Variants in PLAGL1 observed in about 807,000 individuals in gnomAD.
PLAGL1 encodes zinc finger protein PLAGL1.
In PLAGL1, 1 loss-of-function variant was observed where a neutral mutation model predicts 4.6. The ratio of observed to expected loss-of-function variants is 0.22; its 90% CI spans 0.08 to 1.03. The LOEUF is 1.03. Among genes scored for constraint, PLAGL1 ranks in the 50% least tolerant of loss-of-function variants. The pLI is 0.58. For missense variants in PLAGL1, 464 were observed against 570.4 expected (o/e 0.81, Z 1.90); for synonymous variants, 240 against 237.8 (o/e 1.01, Z -0.08).
chr6:143,991,853 G>T (rs2128632488), intron 1 of PLAGL1, among the ~76,000 whole-genome samples: 1 of 152,330 alleles, frequency 6.6e-6, no homozygotes. Context: ...CCCAAGGGGT[G>T]GCCAAGGGGT....
chr6:144,029,911 G>C (rs1796671280), intron 1 of PLAGL1, among the ~76,000 whole-genome samples: 1 of 152,282 alleles, frequency 6.6e-6, no homozygotes, highest in African/African-American at 2.4e-5. Flanking sequence ...GGAAGAACAA[G>C]GTTAGGCAAT....
In PLAGL1 at chr6:144,042,654, C is replaced by A. The variant is rs192082972; in HGVS notation, c.-151+21814G>T. Among the ~76,000 whole-genome samples, 30 of 152,254 alleles carry A rather than the reference C, an allele frequency of 2.0e-4. 1 individual carries two copies. In the East Asian group the frequency reaches 5.8e-3, roughly 29 times the overall value. ...TTTGCTTAGGATTGTCTTGGCAATG[C>A]AAGCTCTTTTTTGGTTCCATATGAA... On this transcript the variant is annotated intron_variant, in intron 1 of 3. Coordinates refer to the PLAGL1 transcript ENST00000437412.
intron 1 of PLAGL1, among the ~76,000 whole-genome samples, chr6:144,026,084 C>A (rs1796321363): frequency 6.6e-6 from 1 of 152,140 alleles, no homozygotes; most frequent in South Asian, 2.1e-4. Context: ...CCCATTCATT[C>A]ATATATTCAA....
chr6:144,032,868 T>C (rs1361109147), intron 1 of PLAGL1, among the ~76,000 whole-genome samples: 1 of 152,180 alleles, frequency 6.6e-6, no homozygotes, highest in Non-Finnish European at 1.5e-5. Context: ...TAAGCATTCT[T>C]TGGTTGCTAC....
At position 143,945,601 on chromosome 6, in the gene PLAGL1, G is replaced by A. The variant is rs534446645; in HGVS notation, c.152+2384C>T. Among the ~76,000 whole-genome samples the A allele has an allele frequency of 3.4e-4, 51 of 152,164 alleles. No individual in the cohort carries two copies. Among genetic ancestry groups the A allele is most frequent in the Middle Eastern group, 3.4e-3 (1 of 294 alleles). On this transcript the variant is annotated intron_variant, in intron 7 of 7. Transcript: ENST00000674357. The surrounding 1 kb of genome is among the most constrained non-coding windows in gnomAD (Gnocchi z 4.2). ...AGTGATCCTCCTACCTCAGCCTCCC[G>A]AGTAGCTGGGATTACAGGCGTGTAC...
intron 1 of PLAGL1, among the ~76,000 whole-genome samples, chr6:144,030,470 A>ATGTGTAG (rs1347235013): frequency 6.6e-6 from 1 of 152,030 alleles, no homozygotes; most frequent in Non-Finnish European, 1.5e-5. Flanking sequence ...ACTTTACCCA[A>ATGTGTAG]TGTGTAGTCT....
intron 1 of PLAGL1, among the ~76,000 whole-genome samples, chr6:144,062,959 A>G (rs1294947548): frequency 1.3e-5 from 2 of 152,182 alleles, no homozygotes; most frequent in Non-Finnish European, 2.9e-5. Context: ...GAGAAGAGGA[A>G]GCAGAAATGG....
chr6:143,986,518 A>G (rs1425873241), intron 1 of PLAGL1, among the ~76,000 whole-genome samples: 1 of 152,174 alleles, frequency 6.6e-6, no homozygotes, highest in Non-Finnish European at 1.5e-5. Context: ...TATTCAATTG[A>G]GCAGAGATGA....
chr6:143,991,431 T>G (rs1321251452), intron 1 of PLAGL1, among the ~76,000 whole-genome samples: 1 of 152,150 alleles, frequency 6.6e-6, no homozygotes, highest in Non-Finnish European at 1.5e-5. Flanking sequence ...TTTTGGTGAT[T>G]AGGGCATCTT....
Position 144,005,975 on chromosome 6 carries a change from T to C in PLAGL1, c.-584+2115A>G, listed in dbSNP as rs1445536532. The C allele has an allele frequency of 6.6e-6, 1 of 152,126 alleles. No individual in the cohort carries two copies. The highest frequency in any genetic ancestry group is 2.4e-5 in the African/African-American group (1 of 41,444). 9.4% of individuals were successfully genotyped at this position (152,126 alleles called of 1,614,324 possible). A position where few individuals can be genotyped will look rare whatever the true frequency, so the allele number is the denominator to read the frequency against. On this transcript the variant is annotated intron_variant, in intron 1 of 7. Coordinates refer to ENST00000674357, the MANE Select transcript of PLAGL1 (RefSeq NM_001317162.2). This position sits in a 1 kb window ranked among gnomAD's most constrained non-coding sequence, Gnocchi z 4.6. ...CGTTTTTCATAACAAAATTTGATTT[T>C]AGCTAAAATTACTATATAAAATATT...
chr6:143,949,973 C>T lies in PLAGL1; in HGVS notation c.-324-1513G>A, dbSNP rs896296999. On this transcript the variant is annotated intron_variant, in intron 6 of 7. Transcript: ENST00000674357. The surrounding 1 kb of genome is among the most constrained non-coding windows in gnomAD (Gnocchi z 5.3). ...AGCATTATGTAGCACACGGACATAA[C>T]CAAACACATATTCCTTTTCTAACCA... 2.6e-5 allele frequency among the ~76,000 whole-genome samples: 4 copies of T among 152,116 alleles called. No homozygotes were observed. The highest frequency in any genetic ancestry group is 6.5e-5 in the Admixed American group (1 of 15,278).
intron 2 of PLAGL1, among the ~76,000 whole-genome samples, chr6:143,969,674 TAAG>T (rs896977473): frequency 6.6e-6 from 1 of 151,380 alleles, no homozygotes; most frequent in African/African-American, 2.4e-5. Flanking sequence ...GAGCGTCAAC[TAAG>T]AAGAACACTA....
intron 1 of PLAGL1, among the ~76,000 whole-genome samples, chr6:144,049,810 C>A (rs1357000453): frequency 6.6e-6 from 1 of 152,140 alleles, no homozygotes; most frequent in Non-Finnish European, 1.5e-5. Context: ...AACTGAGACA[C>A]ATGGAGGTTT....
chr6:144,033,132 G>A (rs1265183167), intron 1 of PLAGL1, among the ~76,000 whole-genome samples: 2 of 152,168 alleles, frequency 1.3e-5, no homozygotes, highest in Admixed American at 6.5e-5. Context: ...AATGGGAAGA[G>A]CATGCTAGGT....
rs1799391101 is a variant in PLAGL1, at chr6:144,061,440, A to G, written c.-151+3028T>C. ...TCCTGAATGTGGCCTTTTCACAGCC[A>G]GGTGCCTCTGAAACATCGTAGCTGT... On this transcript the variant is annotated intron_variant, in intron 1 of 3. Coordinates refer to the PLAGL1 transcript ENST00000437412. This position sits in a 1 kb window ranked among gnomAD's most constrained non-coding sequence, Gnocchi z 4.4. Among the ~76,000 whole-genome samples the G allele has an allele frequency of 6.6e-6, 1 of 152,222 alleles. No individual in the cohort carries two copies. The highest frequency in any genetic ancestry group is 2.4e-5 in the African/African-American group (1 of 41,460).
rs1013881387 is a variant in PLAGL1, at chr6:144,004,056, C to T, written c.-584+4034G>A. ...ATTATATATCCACATAATGTAATAC[C>T]GTAGAAGAGGTGTCAATAAATTTTT... is the stretch of plus-strand genomic sequence containing the variant. On this transcript the variant is annotated intron_variant, in intron 1 of 7. Transcript: ENST00000674357. This position sits in a 1 kb window ranked among gnomAD's most constrained non-coding sequence, Gnocchi z 4.2. Among the ~76,000 whole-genome samples, 2 of 152,108 alleles carry T rather than the reference C, an allele frequency of 1.3e-5. No homozygotes were observed. The highest frequency in any genetic ancestry group is 2.9e-5 in the Non-Finnish European group (2 of 68,004).
intron 1 of PLAGL1, among the ~76,000 whole-genome samples, chr6:144,038,276 A>G (rs1200102085): frequency 1.3e-5 from 2 of 152,250 alleles, no homozygotes; most frequent in Non-Finnish European, 2.9e-5. Flanking sequence ...TCTTCACTAC[A>G]TAAGGTTGCC....
In PLAGL1 at chr6:143,985,553, A is replaced by G. The variant is rs1036685936; in HGVS notation, c.-583-379T>C. ...TCTTTCTGCCCCTGACCCATTGCACATCTATTTTTAACACTAAAATAATAA... is the reference window on the plus strand; with the variant it reads ...TCTTTCTGCCCCTGACCCATTGCACGTCTATTTTTAACACTAAAATAATAA... On this transcript the variant is annotated intron_variant, in intron 1 of 7. Transcript: ENST00000674357. The surrounding 1 kb of genome is among the most constrained non-coding windows in gnomAD (Gnocchi z 4.4). Among the ~76,000 whole-genome samples the G allele has an allele frequency of 3.3e-5, 5 of 152,258 alleles. No individual in the cohort carries two copies. Among genetic ancestry groups the G allele is most frequent in the African/African-American group, 7.2e-5 (3 of 41,546 alleles).
At position 144,027,086 on chromosome 6, in the gene PLAGL1, C is replaced by T. The variant is rs940600254; in HGVS notation, c.-151+37382G>A. On this transcript the variant is annotated intron_variant, in intron 1 of 3. Transcript: ENST00000437412. The surrounding 1 kb of genome is among the most constrained non-coding windows in gnomAD (Gnocchi z 5.8). ...CAAAATTAAAAAAATTAGTCAGCCG[C>T]GGTGGCATGCATCTGTGATCCCAGC... Among the ~76,000 whole-genome samples the T allele has an allele frequency of 8.6e-5, 13 of 151,686 alleles. No individual in the cohort carries two copies. The highest frequency in any genetic ancestry group is 3.2e-4 in the African/African-American group (13 of 41,262).
Sources: gnomAD v4.1 joint callset for allele counts (sites outside exome capture counted in the v4.1 genomes callset) on GRCh38, gnomAD v4.1.1 for gene constraint, Gnocchi (gnomAD v3.1) non-coding constraint, MANE v1.5 for transcripts, NCBI Gene and HGNC (gene_info 2026-07-23, HGNC 2026-07-21) for gene names.